Variants in ACSM3 observed in about 807,000 individuals in gnomAD.
ACSM3 encodes the protein acyl-CoA synthetase medium chain family member 3, also known as acyl-coenzyme A synthetase ACSM3, mitochondrial.
Under a neutral mutation model 74.1 loss-of-function variants are expected in ACSM3, and 61 were observed. The observed-to-expected ratio is 0.82, with a 90% CI of 0.67 to 1.02. The LOEUF is 1.02. Among genes scored for constraint, ACSM3 ranks in the 50% least tolerant of loss-of-function variants. ACSM3 has a pLI of 0.00. For missense variants in ACSM3, 660 were observed against 697.0 expected, an observed-to-expected ratio of 0.95 and a Z score of 0.60; for synonymous variants, 213 against 241.5, an observed-to-expected ratio of 0.88 and a Z score of 1.09.
intron 1 of ACSM3, chr16:20,741,675 T>C (rs371528167): frequency 1.3e-6 from 2 of 1,584,566 alleles, no homozygotes; most frequent in South Asian, 1.2e-5. Flanking sequence ...GGCCAGCACA[T>C]ACTGAGCCTT....
chr16:20,790,917 G>T lies in ACSM3; in HGVS notation c.1326+229G>T, dbSNP rs944048980. On this transcript the variant is annotated intron_variant, in intron 10 of 13. Coordinates refer to ENST00000289416, the MANE Select transcript of ACSM3 (RefSeq NM_005622.4). This position sits in a 1 kb window ranked among gnomAD's most constrained non-coding sequence, Gnocchi z 4.0. ...AGATCACTGTTCCAGGTCCACGAAG[G>T]CAAGAGGAAGGGACCCTAGAAAGAG... The T allele has an allele frequency of 1.2e-6, 2 of 1,614,028 alleles. No homozygotes were observed. The highest frequency in any genetic ancestry group is 2.7e-5 in the African/African-American group (2 of 75,038).
chr16:20,741,067 T>C (rs1468091465), intron 1 of ACSM3, among the ~76,000 whole-genome samples: 1 of 152,040 alleles, frequency 6.6e-6, no homozygotes, highest in Admixed American at 6.6e-5. Flanking sequence ...GGTTTAGGAC[T>C]ACCCTGGGCC....
At chr16:20,722,044 G>C (rs2152394093) in intron 1 of ACSM3, 1 of 152,316 alleles carries the variant, frequency 6.6e-6, no homozygotes, top group South Asian at 2.1e-4. Context: ...AAGTAGTCTA[G>C]TTTAAAGCTT....
chr16:20,744,453 C>A (rs145550748), intron 1 of ACSM3, among the ~76,000 whole-genome samples: 1 of 152,134 alleles, frequency 6.6e-6, no homozygotes, highest in Non-Finnish European at 1.5e-5. Flanking sequence ...GGTGCAGTCT[C>A]GGCTCACTGC....
At chr16:20,705,191 T>C (rs1253094144) in intron 1 of ACSM3, among the ~76,000 whole-genome samples, 5 of 152,082 alleles carry the variant, frequency 3.3e-5, no homozygotes, top group Admixed American at 3.3e-4. Context: ...GCTAACACCC[T>C]GAAACCCCGT....
At chr16:20,709,648 T>A (rs572943054) in intron 1 of ACSM3, among the ~76,000 whole-genome samples, 1 of 152,254 alleles carries the variant, frequency 6.6e-6, no homozygotes, top group Non-Finnish European at 1.5e-5. Context: ...GAATGAATAC[T>A]CTAAGGTATT....
intron 3 of ACSM3, among the ~76,000 whole-genome samples, chr16:20,758,741 T>C (rs1596502971): frequency 6.6e-6 from 1 of 151,576 alleles, no homozygotes; most frequent in Middle Eastern, 3.5e-3. Context: ...ATTTTGGATC[T>C]TTCCTGCTTT....
chr16:20,780,795 A>G lies in ACSM3; in HGVS notation c.720A>G (p.Gly240=), dbSNP rs761711838. The change falls in exon 5 of 14, where the codon GGA becomes GGG. Residue 240 remains glycine, a synonymous_variant. Coordinates refer to ENST00000289416, the MANE Select transcript of ACSM3 (RefSeq NM_005622.4). ...MAIFFTSGTS[G]YPKMTAHTHS... ...TATTCTTTACCAGTGGAACAAGTGG[A>G]TATCCGAAAATGACTGCACACACCC... The G allele has an allele frequency of 1.9e-6, 3 of 1,614,240 alleles. No homozygotes were observed. The highest frequency in any genetic ancestry group is 1.7e-5 in the Admixed American group (1 of 60,026).
At chr16:20,729,143 A>G (rs912011665) in intron 1 of ACSM3, 57 of 551,590 alleles carry the variant, frequency 1.0e-4, no homozygotes, top group African/African-American at 8.6e-4. Flanking sequence ...TAGAAGTACA[A>G]TTTGTAATGT....
chr16:20,694,798 A>G (rs1454428569), intron 1 of ACSM3, among the ~76,000 whole-genome samples: 2 of 152,188 alleles, frequency 1.3e-5, no homozygotes, highest in Non-Finnish European at 2.9e-5. Flanking sequence ...TAAAAATGTA[A>G]TTAAGTTAAA....
At chr16:20,722,736 G>A (rs2079790251) in intron 1 of ACSM3, among the ~76,000 whole-genome samples, 1 of 152,160 alleles carries the variant, frequency 6.6e-6, no homozygotes, top group South Asian at 2.1e-4. Flanking sequence ...GAATAAACCA[G>A]TTCATACTTT....
chr16:20,676,159 A>G (rs2020264007), intron 1 of ACSM3: 1 of 152,344 alleles, frequency 6.6e-6, no homozygotes, highest in African/African-American at 2.4e-5. Context: ...AGGAAGTTAA[A>G]GTGAAAGGCT....
chr16:20,706,536 AG>A lies in ACSM3; in HGVS notation c.-190+31715del, dbSNP rs141202881. 3.6e-3 allele frequency among the ~76,000 whole-genome samples: 555 copies of A among 152,366 alleles called. 3 individuals are homozygous for A. Among genetic ancestry groups the A allele is most frequent in the African/African-American group, 0.012 (512 of 41,592 alleles). The stretch of plus-strand genomic sequence containing the variant: ...ATTTAGGCAGGAGTTGTAAAACCCC[AG>A]TGGAGCCCAAGACCTAGGAGAGTTG... On this transcript the variant is annotated intron_variant, in intron 1 of 3. Transcript: ENST00000561584.
chr16:20,694,488 C>T (rs1567317331), intron 1 of ACSM3, among the ~76,000 whole-genome samples: 1 of 152,212 alleles, frequency 6.6e-6, no homozygotes, highest in Non-Finnish European at 1.5e-5. Flanking sequence ...TTCCAACACA[C>T]ACCTCCTTCC....
chr16:20,683,701 T>TTCTC (rs1201861529), intron 1 of ACSM3, among the ~76,000 whole-genome samples: 18 of 65,420 alleles, frequency 2.8e-4, no homozygotes, highest in East Asian at 1.3e-3. Context: ...CTTTCTTTCT[T>TTCTC]TCTCTCTCTC....
rs1567368452 is a variant in ACSM3 at position 20,796,872 on chromosome 16, C to T, written c.1675-14C>T. The T allele has an allele frequency of 6.2e-7, 1 of 1,609,272 alleles. No individual in the cohort carries two copies. Among genetic ancestry groups the T allele is most frequent in the Non-Finnish European group, 8.5e-7 (1 of 1,178,700 alleles). On this transcript the variant is annotated splice_polypyrimidine_tract_variant and intron_variant, in intron 13 of 13. Transcript: ENST00000289416. Reference sequence around the variant, plus strand: ...AAATTTCCAGGCTAATTTTCTTCCCCTTGATGCCAACAGGTAGAATTTATT... The same window carrying T: ...AAATTTCCAGGCTAATTTTCTTCCCTTTGATGCCAACAGGTAGAATTTATT...
At chr16:20,707,542 A>T (rs2079731443) in intron 1 of ACSM3, among the ~76,000 whole-genome samples, 1 of 152,176 alleles carries the variant, frequency 6.6e-6, no homozygotes, top group South Asian at 2.1e-4. Context: ...AAGGTCCTGG[A>T]GACAGTAGAG....
At chr16:20,763,585 A>G (rs1342474942), upstream of ACSM3, 1 of 152,268 alleles carries the variant, frequency 6.6e-6, no homozygotes, top group Non-Finnish European at 1.5e-5. Flanking sequence ...GAAGCACTGA[A>G]AGATTTGAGC....
At chr16:20,781,618 A>C in intron 6 of ACSM3, 90 bp from the exon 7 acceptor site, 1 of 958,262 alleles carries the variant, frequency 1.0e-6, no homozygotes, top group Non-Finnish European at 1.7e-6. Flanking sequence ...TAACATAAAC[A>C]ATGTTTAAAT....
Sources: gnomAD v4.1 joint callset for allele counts (sites outside exome capture counted in the v4.1 genomes callset) on GRCh38, gnomAD v4.1.1 for gene constraint, Gnocchi (gnomAD v3.1) non-coding constraint, MANE v1.5 for transcripts, NCBI Gene and HGNC (gene_info 2026-07-23, HGNC 2026-07-21) for gene names.